Variants in MAST1 observed in about 807,000 individuals in gnomAD.
MAST1 encodes the protein microtubule-associated serine/threonine-protein kinase 1.
A neutral mutation model predicts 124.6 loss-of-function variants in MAST1; 40 were observed. The observed-to-expected ratio is 0.32, with a 90% confidence interval of 0.25 to 0.42. MAST1 has a LOEUF of 0.42. MAST1 is among the 10% of genes least tolerant of loss of function. The pLI, the probability that MAST1 is intolerant of heterozygous loss-of-function variation, is 1.00. For missense variants in MAST1, 1,558 were observed against 2,181.9 expected (o/e 0.71, Z 5.70); for synonymous variants, 938 against 939.4 (o/e 1.00, Z 0.03).
intron 10 of MAST1, 133 bp downstream of exon 10, chr19:12,852,528 T>A: frequency 1.2e-6 from 1 of 829,618 alleles, no homozygotes; most frequent in Non-Finnish European, 2.0e-6. Flanking sequence ...TTCCCATCCA[T>A]AAAATGGGAT....
In MAST1 at chr19:12,843,589, G is replaced by T. The variant is rs1437088187; in HGVS notation, c.309G>T (p.Thr103=). 3 of 1,613,432 alleles carry T rather than the reference G, an allele frequency of 1.9e-6. No individual in the cohort carries two copies. Among genetic ancestry groups the T allele is most frequent in the Non-Finnish European group, 2.5e-6 (3 of 1,179,754 alleles). The change falls in exon 4 of 26, where the codon ACG becomes ACT. Residue 103 remains threonine (T), a synonymous_variant. Transcript: ENST00000251472. The surrounding 1 kb of genome is among the most constrained non-coding windows in gnomAD (Gnocchi z 4.9). ...CTTCATCTGGCTATGGCACCAACACGCCCAGTTCCACCGTCTCGGTGAGTG... is the reference window on the plus strand; with the variant it reads ...CTTCATCTGGCTATGGCACCAACACTCCCAGTTCCACCGTCTCGGTGAGTG... The part of the protein sequence containing the change: ...SLPSSGYGTN[T]PSSTVSSSCS...
At chr19:12,858,261 CTT>C in intron 10 of MAST1, 99 bp from the exon 11 acceptor site, 1 of 1,052,468 alleles carries the variant, frequency 9.5e-7, no homozygotes, top group South Asian at 1.5e-5. Context: ...ATGAAGGACT[CTT>C]TCATTCTGTG....
chr19:12,873,990 A>G lies in MAST1; in HGVS notation c.3833A>G (p.Lys1278Arg). 5 of 1,603,672 alleles carry G rather than the reference A, an allele frequency of 3.1e-6. No individual in the cohort carries two copies. The highest frequency in any genetic ancestry group is 4.2e-6 in the Non-Finnish European group (5 of 1,179,350). Residue 1278 changes from lysine (K) to arginine (R), a missense_variant, in exon 26 of 26, where the codon AAG becomes AGG. Physicochemically the swap from Lys to Arg is conservative, Grantham distance 26. Around this residue, in one of 10 missense-constraint regions of MAST1, gnomAD observed 263 missense variants for 310.9 expected, o/e 0.85. Coordinates refer to ENST00000251472, the MANE Select transcript of MAST1 (RefSeq NM_014975.3). ...CTGGGAGCCTCTTTGAGTGCGGACA[A>G]GAAGGGCGCGCTGCGCAAACACAGC... ...EKLGASLSAD[K>R]KGALRKHSLE... is the part of the protein sequence containing the mutation.
At chr19:12,872,967 C>CT (rs1970255573) in intron 24 of MAST1, among the ~76,000 whole-genome samples, 1 of 151,644 alleles carries the variant, frequency 6.6e-6, no homozygotes, top group African/African-American at 2.4e-5. Context: ...TGGGAGTGGC[C>CT]TAAAGTTGGG....
At chr19:12,871,220 T>C (rs765906383) in intron 24 of MAST1, 48 bp downstream of exon 24, 2 of 1,610,776 alleles carry the variant, frequency 1.2e-6, no homozygotes, top group Non-Finnish European at 1.7e-6. Flanking sequence ...GGGTGGAACT[T>C]AGGCGGGAGG....
In MAST1 at chr19:12,866,843, G is replaced by A; in HGVS notation, c.2139+81G>A. On this transcript the variant is annotated intron_variant, in intron 18 of 25. Transcript: ENST00000251472. This position sits in a 1 kb window ranked among gnomAD's most constrained non-coding sequence, Gnocchi z 5.2. ...AGAGACAGTGAGAAACAGGTTCCCT[G>A]GTGCCCAAGGTCTCAGGAGCGGGAA... 1 of 1,183,674 alleles carries A rather than the reference G, an allele frequency of 8.4e-7. No homozygotes were observed. Among genetic ancestry groups the A allele is most frequent in the East Asian group, 2.5e-5 (1 of 39,260 alleles). The allele number at this position is 1,183,674 out of a possible 1,614,324, so 73.3% of individuals were successfully genotyped here.
intron 12 of MAST1, among the ~76,000 whole-genome samples, chr19:12,863,412 G>T (rs530680055): frequency 1.3e-5 from 2 of 152,066 alleles, no homozygotes; most frequent in South Asian, 2.1e-4. Flanking sequence ...GCAAAATCTC[G>T]CAGAAAAGAG....
At chr19:12,839,878 C>T (rs1005312686) in intron 1 of MAST1, among the ~76,000 whole-genome samples, 4 of 152,064 alleles carry the variant, frequency 2.6e-5, no homozygotes, top group Non-Finnish European at 4.4e-5. Flanking sequence ...CACTGCACTC[C>T]AGCCGGGCGA....
At position 12,868,867 on chromosome 19, in the gene MAST1, C is replaced by G. The variant is rs1599590911; in HGVS notation, c.2773+18C>G. On this transcript the variant is annotated intron_variant, in intron 21 of 25. Transcript: ENST00000251472. ...TCCTGCAGGTAATGCTGGGCCCCAC[C>G]TGGCAGGGGAGGGGCTGCCCCCCAT... 1 of 1,562,198 alleles carries G rather than the reference C, an allele frequency of 6.4e-7. No homozygotes were observed. The highest frequency in any genetic ancestry group is 8.7e-7 in the Non-Finnish European group (1 of 1,150,868).
At chr19:12,861,680 C>CTCTTTCTTTCTTTGTTTCTTTCTTTCTT in intron 12 of MAST1, among the ~76,000 whole-genome samples, 1 of 143,576 alleles carries the variant, frequency 7.0e-6, no homozygotes, top group African/African-American at 2.7e-5. Context: ...TTCTTTTTCT[C>CTCTTTCTTTCTTTGTTTCTTTCTTTCTT]TCTTTCTTTC....
rs1568413967 is a variant in MAST1, at chr19:12,867,518, C to G, written c.2184C>G (p.Thr728=). Residue 728 remains threonine, a synonymous_variant, in exon 19 of 26, where the codon ACC becomes ACG. Transcript: ENST00000251472. ...AGCTGTCGCAGCACGAGCCCAAGAC[C>G]CCAGTAGCAGCTGCAGGGAGCAGCA... ...MEQLSQHEPK[T]PVAAAGSSKR... 6.8e-6 allele frequency: 11 copies of G among 1,613,800 alleles called. No individual in the cohort carries two copies. Among genetic ancestry groups the G allele is most frequent in the Non-Finnish European group, 9.3e-6 (11 of 1,179,998 alleles).
intron 7 of MAST1, 186 bp downstream of exon 7, chr19:12,848,243 A>G: frequency 6.7e-6 from 4 of 597,902 alleles, no homozygotes; most frequent in Non-Finnish European, 1.2e-5. Flanking sequence ...AGAGGCAGGA[A>G]TTTCACCTCG....
At chr19:12,867,409 A>G in intron 18 of MAST1, 65 bp from the exon 19 acceptor site, 5 of 1,585,090 alleles carry the variant, frequency 3.2e-6, no homozygotes, top group Non-Finnish European at 3.5e-6. Flanking sequence ...CACTGCCAGG[A>G]AGCTGATTAG....
At chr19:12,861,747 G>A (rs527634724) in intron 12 of MAST1, among the ~76,000 whole-genome samples, 28 of 140,476 alleles carry the variant, frequency 2.0e-4, no homozygotes, top group African/African-American at 8.4e-4. Flanking sequence ...CTGTTGCCCA[G>A]GCTGGAGTGC....
At chr19:12,842,661 A>G (rs1037493775) in intron 3 of MAST1, among the ~76,000 whole-genome samples, 4 of 152,146 alleles carry the variant, frequency 2.6e-5, no homozygotes, top group Non-Finnish European at 5.9e-5. Flanking sequence ...TCACATGAGC[A>G]CGCGCCGATG....
chr19:12,864,392 T>C (rs1271739580), intron 12 of MAST1, among the ~76,000 whole-genome samples: 1 of 110,040 alleles, frequency 9.1e-6, no homozygotes, highest in Non-Finnish European at 1.8e-5. Flanking sequence ...AGACCCTGTC[T>C]CAAAAAAAAA....
intron 9 of MAST1, 37 bp from the exon 10 acceptor site, chr19:12,852,291 A>T (rs757465798): frequency 6.2e-7 from 1 of 1,614,134 alleles, no homozygotes; most frequent in South Asian, 1.1e-5. Flanking sequence ...GAGCAGGCCC[A>T]GAACCCAGCT....
At position 12,841,047 on chromosome 19, in the gene MAST1, T is replaced by C; in HGVS notation, c.229T>C (p.Ser77Pro). ...NFSPNTPAHF[S>P]FASSRRADGR... ...CTCCCCCAACACCCCCGCCCACTTC[T>C]CGTTTGCCTCCTCCCGAAGGTGAGT... is the stretch of plus-strand genomic sequence containing the variant. The change falls in exon 3 of 26, where the codon TCG becomes CCG. Residue 77 changes from serine to proline, a missense_variant. Ser to Pro is a moderately conservative substitution (Grantham distance 74, BLOSUM62 -1). Around this residue, in one of 10 missense-constraint regions of MAST1, gnomAD observed 57 missense variants for 35.3 expected, o/e 1.62. Transcript: ENST00000251472. This position sits in a 1 kb window ranked among gnomAD's most constrained non-coding sequence, Gnocchi z 4.3. 2 of 1,500,160 alleles carry C rather than the reference T, an allele frequency of 1.3e-6. No homozygotes were observed. Among genetic ancestry groups the C allele is most frequent in the South Asian group, 1.1e-5 (1 of 88,842 alleles). The allele number at this position is 1,500,160 out of a possible 1,614,324, so 92.9% of individuals were successfully genotyped here.
intron 24 of MAST1, 126 bp downstream of exon 24, chr19:12,871,298 A>G (rs935028842): frequency 2.9e-6 from 4 of 1,392,590 alleles, no homozygotes; most frequent in Non-Finnish European, 3.9e-6. Context: ...CAACAAGCAA[A>G]GGGAAGAGGA....
Sources: gnomAD v4.1 joint callset for allele counts (sites outside exome capture counted in the v4.1 genomes callset) on GRCh38, gnomAD v4.1.1 for gene constraint, gnomAD v4.1.1 regional missense constraint, Gnocchi (gnomAD v3.1) non-coding constraint, MANE v1.5 for transcripts, NCBI Gene and HGNC (gene_info 2026-07-23, HGNC 2026-07-21) for gene names.